DGKG: variants seen among roughly 807,000 people sequenced by gnomAD.
The protein encoded by DGKG is diacylglycerol kinase gamma.
Under a neutral mutation model 105.3 loss-of-function variants are expected in DGKG, and 78 were observed. That is an observed-to-expected ratio of 0.74 (90% CI 0.62 to 0.89). The LOEUF (loss-of-function observed/expected upper bound fraction) is 0.89. Among genes scored for constraint, DGKG ranks in the 40% least tolerant of loss-of-function variants. The pLI is 0.00. For synonymous variants in DGKG, 346 were observed against 367.1 expected, an observed-to-expected ratio of 0.94 and a Z score of 0.66; for missense variants, 958 against 1,020.1, an observed-to-expected ratio of 0.94 and a Z score of 0.83.
intron 20 of DGKG, among the ~76,000 whole-genome samples, chr3:186,218,511 A>AG (rs1719413910): frequency 6.7e-6 from 1 of 149,972 alleles, no homozygotes; most frequent in African/African-American, 2.5e-5. Flanking sequence ...TGAAAAAAAA[A>AG]AAAAAAAAAA....
intron 22 of DGKG, among the ~76,000 whole-genome samples, chr3:186,182,567 A>C (rs1717410118): frequency 6.6e-6 from 1 of 152,182 alleles, no homozygotes; most frequent in Non-Finnish European, 1.5e-5. Flanking sequence ...ACCCTCTCTC[A>C]ATTGCAAGTC....
At position 186,275,534 on chromosome 3, in the gene DGKG, G is replaced by A. The variant is rs1722537449; in HGVS notation, c.910+13C>T. ...AGTGCCTGGGGGAAGAGGTTTGAAG[G>A]AAATTTACTCACAAGTGCAGCACAG... On this transcript the variant is annotated intron_variant, in intron 10 of 24. Coordinates refer to ENST00000265022, the MANE Select transcript of DGKG (RefSeq NM_001346.3). The A allele has an allele frequency of 6.2e-7, 1 of 1,610,138 alleles. No individual in the cohort carries two copies. The highest frequency in any genetic ancestry group is 8.5e-7 in the Non-Finnish European group (1 of 1,176,436).
In DGKG at chr3:186,147,769, A is replaced by C; in HGVS notation, c.*2321T>G. On this transcript the variant is annotated 3_prime_UTR_variant, in exon 25 of 25. Transcript: ENST00000265022. ...GATCATGGCTGAAACACATGCACGA[A>C]CTTCTGTAAATGTCTTAGAATCAGT... The C allele has an allele frequency of 3.0e-6, 3 of 985,408 alleles. No homozygotes were observed. The South Asian group carries it at 1.4e-4, about 46-fold the overall frequency. The allele number at this position is 985,408 out of a possible 1,614,324, so 61.0% of individuals were successfully genotyped here. A position where few individuals can be genotyped will look rare whatever the true frequency, so the allele number is the denominator to read the frequency against.
At chr3:186,317,897 A>T (rs1406586807) in intron 2 of DGKG, among the ~76,000 whole-genome samples, 1 of 152,170 alleles carries the variant, frequency 6.6e-6, no homozygotes, top group South Asian at 2.1e-4. Context: ...TGTTATCACC[A>T]TCTCCAAATC....
intron 20 of DGKG, among the ~76,000 whole-genome samples, chr3:186,223,479 G>A (rs1052382945): frequency 3.9e-5 from 6 of 151,970 alleles, no homozygotes; most frequent in East Asian, 1.9e-4. Context: ...ACGGTAAGTC[G>A]CTCCCTCCTT....
At position 186,288,780 on chromosome 3, in the gene DGKG, C is replaced by A. The variant is rs761573470; in HGVS notation, c.474G>T (p.Val158=). 4.7e-5 allele frequency: 76 copies of A among 1,613,760 alleles called. No individual in the cohort carries two copies. Among genetic ancestry groups the A allele is most frequent in the Middle Eastern group, 1.6e-4 (1 of 6,082 alleles). Residue 158 remains valine (V), a synonymous_variant, in exon 6 of 25, where the codon GTG becomes GTT. Coordinates refer to ENST00000265022, the MANE Select transcript of DGKG (RefSeq NM_001346.3). ...VPRSSSSESP[V]VYLKDVVCYL... ...AGCACACAACATCCTTCAGGTATACCACTGGGGATTCCGAGCTTGAAGACC... is the reference window on the plus strand; with the variant it reads ...AGCACACAACATCCTTCAGGTATACAACTGGGGATTCCGAGCTTGAAGACC...
chr3:186,176,058 T>C (rs2108490056), intron 22 of DGKG, among the ~76,000 whole-genome samples: 1 of 152,322 alleles, frequency 6.6e-6, no homozygotes, highest in East Asian at 1.9e-4. Context: ...TACCTTGCAG[T>C]GACAGGGTAC....
At chr3:186,268,677 G>A (rs1722172683) in intron 12 of DGKG, 124 bp downstream of exon 12, 3 of 663,982 alleles carry the variant, frequency 4.5e-6, no homozygotes, top group South Asian at 1.8e-5. Flanking sequence ...GCGCTGTGGG[G>A]TCCTCCTAGC....
Position 186,211,782 on chromosome 3 carries a change from C to T in DGKG, c.1917+13G>A, listed in dbSNP as rs769838562. The T allele has an allele frequency of 1.9e-5, 30 of 1,609,908 alleles. No homozygotes were observed. The highest frequency in any genetic ancestry group is 2.5e-5 in the Non-Finnish European group (29 of 1,176,092). The stretch of plus-strand genomic sequence containing the variant: ...CAAGATCCAGGAAGCCTTCTCCCCA[C>T]TTGGGAACTTACCTCCAACTCAATG... On this transcript the variant is annotated intron_variant, in intron 21 of 24. Coordinates refer to ENST00000265022, the MANE Select transcript of DGKG (RefSeq NM_001346.3).
At chr3:186,305,234 C>T (rs1724171317) in intron 3 of DGKG, among the ~76,000 whole-genome samples, 1 of 152,104 alleles carries the variant, frequency 6.6e-6, no homozygotes, top group African/African-American at 2.4e-5. Context: ...AGAAAGAGGG[C>T]TTCAAGTTTT....
At chr3:186,188,896 C>G (rs573871420) in intron 21 of DGKG, among the ~76,000 whole-genome samples, 1 of 152,186 alleles carries the variant, frequency 6.6e-6, no homozygotes, top group East Asian at 1.9e-4. Flanking sequence ...CTCACTGCAA[C>G]CTCCACTTTC....
chr3:186,194,118 G>A (rs1210474454), intron 21 of DGKG, among the ~76,000 whole-genome samples: 1 of 152,254 alleles, frequency 6.6e-6, no homozygotes, highest in Non-Finnish European at 1.5e-5. Flanking sequence ...TCCCCCTTGG[G>A]AAGACAATCC....
In DGKG at chr3:186,298,132, T is replaced by C. The variant is rs1240475727; in HGVS notation, c.242A>G (p.Gln81Arg). Residue 81 changes from glutamine (Q) to arginine (R), a missense_variant, in exon 4 of 25, where the codon CAG (glutamine) becomes CGG (arginine). Gln to Arg is a conservative substitution (Grantham distance 43). Around this residue, in one of 2 missense-constraint regions of DGKG, gnomAD observed 643 missense variants for 619.5 expected, o/e 1.04. Transcript: ENST00000265022. ...GTCAGAGGTCTCGTGTCTGGGCTTCTGGCTGAAGGCCAGGAAGAGGTGAGT... is the reference window on the plus strand; with the variant it reads ...GTCAGAGGTCTCGTGTCTGGGCTTCCGGCTGAAGGCCAGGAAGAGGTGAGT... Reference protein sequence around the residue: ...LSTHLFLAFSQKPRHETSDHP... With the variant: ...LSTHLFLAFSRKPRHETSDHP... 1.9e-6 allele frequency: 3 copies of C among 1,614,040 alleles called. No homozygotes were observed. Among genetic ancestry groups the C allele is most frequent in the South Asian group, 1.1e-5 (1 of 91,076 alleles).
intron 12 of DGKG, among the ~76,000 whole-genome samples, chr3:186,268,598 C>T (rs1352960023): frequency 1.3e-5 from 2 of 152,202 alleles, no homozygotes; most frequent in Admixed American, 6.5e-5. Flanking sequence ...TCCCCTGGTT[C>T]GGGGGTGCCC....
At chr3:186,214,754 C>T (rs910334041) in intron 20 of DGKG, among the ~76,000 whole-genome samples, 2 of 152,176 alleles carry the variant, frequency 1.3e-5, no homozygotes, top group African/African-American at 4.8e-5. Flanking sequence ...ATTCAACAGA[C>T]ATTCATTGTG....
chr3:186,188,181 T>C, intron 22 of DGKG, 21 bp downstream of exon 22: 1 of 1,613,850 alleles, frequency 6.2e-7, no homozygotes, highest in Admixed American at 1.7e-5. Flanking sequence ...CCTAAAACAA[T>C]TATCCTCATT....
intron 22 of DGKG, among the ~76,000 whole-genome samples, chr3:186,184,239 G>C (rs1041671793): frequency 2.0e-5 from 3 of 152,060 alleles, no homozygotes; most frequent in African/African-American, 7.2e-5. Flanking sequence ...TGAGACTTAG[G>C]GTGGTTGGGT....
At chr3:186,254,194 C>T (rs753146086) in intron 17 of DGKG, among the ~76,000 whole-genome samples, 1 of 152,226 alleles carries the variant, frequency 6.6e-6, no homozygotes, top group Non-Finnish European at 1.5e-5. Context: ...ACGCATGGTG[C>T]CCCTGGATGT....
intron 20 of DGKG, among the ~76,000 whole-genome samples, chr3:186,223,687 C>A (rs1200388327): frequency 6.6e-6 from 1 of 152,214 alleles, no homozygotes; most frequent in Non-Finnish European, 1.5e-5. Context: ...ACCCTGCCAG[C>A]AAAATCCTTT....
Sources: allele counts gnomAD v4.1 joint callset (sites outside exome capture counted in the v4.1 genomes callset), GRCh38; gene constraint gnomAD v4.1.1; regional missense constraint gnomAD v4.1.1; transcripts MANE v1.5; gene names NCBI Gene and HGNC (gene_info 2026-07-23, HGNC 2026-07-21).